Variants in GBP6 observed in about 807,000 individuals in gnomAD.
The protein encoded by GBP6 is guanylate-binding protein 6.
Under a neutral mutation model 61.5 loss-of-function variants are expected in GBP6, and 54 were observed. The ratio of observed to expected loss-of-function variants is 0.88; its 90% CI spans 0.71 to 1.10. The LOEUF is 1.10. GBP6 is among the 50% of genes least tolerant of loss of function. The pLI is 0.00. For missense variants in GBP6, 748 were observed against 752.8 expected (o/e 0.99, Z 0.07); for synonymous variants, 255 against 273.7 (o/e 0.93, Z 0.67).
chr1:89,378,113 A>G lies in GBP6; in HGVS notation c.329A>G (p.Lys110Arg). Reference sequence around the variant, plus strand: ...TAATGTGCTTTTTAGGGTGACCCTAAGAATGACTCCTGGATCTTTGCCCTG... The same window carrying G: ...TAATGTGCTTTTTAGGGTGACCCTAGGAATGACTCCTGGATCTTTGCCCTG... ...GLGDVEKGDP[K>R]NDSWIFALAV... is the part of the protein sequence containing the mutation. Residue 110 changes from lysine to arginine, a missense_variant, in exon 4 of 11, where the codon AAG (lysine) becomes AGG (arginine). Physicochemically the swap from Lys to Arg is conservative, Grantham distance 26 (BLOSUM62 2). Transcript: ENST00000370456. The G allele has an allele frequency of 6.2e-7, 1 of 1,612,588 alleles. No individual in the cohort carries two copies. Among genetic ancestry groups the G allele is most frequent in the Non-Finnish European group, 8.5e-7 (1 of 1,179,654 alleles).
At chr1:89,368,124 G>A (rs142507651) in intron 1 of GBP6, among the ~76,000 whole-genome samples, 19 of 152,120 alleles carry the variant, frequency 1.2e-4, no homozygotes, top group Admixed American at 5.9e-4. Context: ...TTTGTAAGCC[G>A]GGTTCTATGA....
chr1:89,366,629 T>A (rs1215183347), intron 1 of GBP6, among the ~76,000 whole-genome samples: 2 of 152,236 alleles, frequency 1.3e-5, no homozygotes, highest in African/African-American at 4.8e-5. Flanking sequence ...GTGGTTGCAG[T>A]AGCATAACAC....
At chr1:89,365,077 T>A (rs769767864) in intron 1 of GBP6, among the ~76,000 whole-genome samples, 9 of 151,818 alleles carry the variant, frequency 5.9e-5, no homozygotes, top group Non-Finnish European at 1.0e-4. Flanking sequence ...CACGCAGTTT[T>A]TGGTTTTCTG....
At chr1:89,384,065 TTC>T in intron 9 of GBP6, 26 bp from the exon 10 acceptor site, 9 of 1,561,476 alleles carry the variant, frequency 5.8e-6, no homozygotes, top group Non-Finnish European at 7.8e-6. Flanking sequence ...TATTATTTTC[TTC>T]TCTTTCTAAT....
Position 89,385,668 on chromosome 1 carries a change from G to C in GBP6, c.*199G>C. ...CCTGCCTCAGCCCCCTAGTAGCTGG[G>C]ATTATAGGTGTACACCACCACACCC... On this transcript the variant is annotated 3_prime_UTR_variant, in exon 11 of 11. Coordinates refer to ENST00000370456, the MANE Select transcript of GBP6 (RefSeq NM_198460.3). The C allele has an allele frequency of 3.8e-6, 2 of 529,970 alleles. No individual in the cohort carries two copies. Among genetic ancestry groups the C allele is most frequent in the Non-Finnish European group, 6.6e-6 (2 of 301,428 alleles). The allele number at this position is 529,970 out of a possible 1,614,324, so 32.8% of individuals were successfully genotyped here.
intron 3 of GBP6, among the ~76,000 whole-genome samples, chr1:89,369,913 G>T (rs762956588): frequency 6.6e-6 from 1 of 152,236 alleles, no homozygotes; most frequent in Non-Finnish European, 1.5e-5. Flanking sequence ...TTGTTAAGCA[G>T]TTGAGTTCCA....
At chr1:89,384,604 C>T (rs1201934706) in intron 10 of GBP6, among the ~76,000 whole-genome samples, 1 of 152,176 alleles carries the variant, frequency 6.6e-6, no homozygotes. Flanking sequence ...ATATGTTCCA[C>T]ACAGTGTATT....
intron 3 of GBP6, among the ~76,000 whole-genome samples, chr1:89,372,276 A>G (rs761039236): frequency 1.6e-4 from 24 of 150,956 alleles, no homozygotes; most frequent in South Asian, 6.3e-4. Context: ...TCCCCATCAA[A>G]CTACCAATGA....
chr1:89,385,625 C>T lies in GBP6; in HGVS notation c.*156C>T, dbSNP rs1349252555. 1.5e-6 allele frequency: 1 copy of T among 674,560 alleles called. No individual in the cohort carries two copies. The highest frequency in any genetic ancestry group is 1.8e-5 in the African/African-American group (1 of 54,770). 41.8% of individuals were successfully genotyped at this position (674,560 alleles called of 1,614,324 possible). On this transcript the variant is annotated 3_prime_UTR_variant, in exon 11 of 11. Transcript: ENST00000370456. ...CTCAGCTCACTGCAACCTCTGCCTC[C>T]TGGGTTCAAGAGATTCACCTGCCTC...
At chr1:89,378,012 G>A in intron 3 of GBP6, 91 bp from the exon 4 acceptor site, 1 of 1,193,180 alleles carries the variant, frequency 8.4e-7, no homozygotes, top group Non-Finnish European at 1.2e-6. Context: ...TACATTAGCT[G>A]AAATCATAAG....
At position 89,387,185 on chromosome 1, in the gene GBP6, G is replaced by A. The variant is rs1653167140; in HGVS notation, c.*1716G>A. On this transcript the variant is annotated 3_prime_UTR_variant, in exon 11 of 11. Coordinates refer to ENST00000370456, the MANE Select transcript of GBP6 (RefSeq NM_198460.3). Reference sequence around the variant, plus strand: ...CAAATAAATGATAATGATTTCCCAAGTTCTCCTCCTAGGAAACGTCTGGAG... The same window carrying A: ...CAAATAAATGATAATGATTTCCCAAATTCTCCTCCTAGGAAACGTCTGGAG... Among the ~76,000 whole-genome samples, 1 of 152,016 alleles carries A rather than the reference G, an allele frequency of 6.6e-6. No individual in the cohort carries two copies. The highest frequency in any genetic ancestry group is 2.4e-5 in the African/African-American group (1 of 41,390).
In GBP6 at chr1:89,368,591, G is replaced by A; in HGVS notation, c.40G>A (p.Val14Met). The A allele has an allele frequency of 4.3e-6, 7 of 1,614,146 alleles. No homozygotes were observed. In the South Asian group the frequency reaches 6.6e-5, roughly 15 times the overall value. ...GPKMLAPVCL[V>M]ENNNEQLLVN... ...CAAAATGTTGGCCCCCGTTTGCCTG[G>A]TGGAAAATAACAATGAGCAGCTATT... Residue 14 changes from valine to methionine, a missense_variant, in exon 2 of 11, where the codon GTG becomes ATG. Transcript: ENST00000370456.
At chr1:89,367,095 T>C (rs1002085747) in intron 1 of GBP6, among the ~76,000 whole-genome samples, 1 of 152,240 alleles carries the variant, frequency 6.6e-6, no homozygotes, top group Non-Finnish European at 1.5e-5. Context: ...TTGGCTATTG[T>C]GCATAATGCT....
rs1652995654 is a variant in GBP6 at position 89,382,012 on chromosome 1, C to T, written c.1152+38C>T. On this transcript the variant is annotated intron_variant, in intron 7 of 10. Coordinates refer to ENST00000370456, the MANE Select transcript of GBP6 (RefSeq NM_198460.3). ...AGTCATTACTGTTCATCATCCTTCCCCTTGAAGAATGAAGCCTATAGTTGC... is the reference window on the plus strand; with the variant it reads ...AGTCATTACTGTTCATCATCCTTCCTCTTGAAGAATGAAGCCTATAGTTGC... The T allele has an allele frequency of 3.2e-6, 5 of 1,551,040 alleles. No homozygotes were observed. The East Asian group carries it at 1.1e-4, about 35-fold the overall frequency.
At position 89,380,546 on chromosome 1, in the gene GBP6, G is replaced by A. The variant is rs923205243; in HGVS notation, c.786G>A (p.Gln262=). The change falls in exon 6 of 11, where the codon CAG becomes CAA. Residue 262 remains glutamine, a synonymous_variant. Coordinates refer to ENST00000370456, the MANE Select transcript of GBP6 (RefSeq NM_198460.3). ...AAAAGCAACTGGATCCCAAATTCCAGGAACAAACAAACATTTTCTGTTCTT... is the reference window on the plus strand; with the variant it reads ...AAAAGCAACTGGATCCCAAATTCCAAGAACAAACAAACATTTTCTGTTCTT... ...VSEKQLDPKF[Q]EQTNIFCSYI... 6.2e-6 allele frequency: 10 copies of A among 1,613,952 alleles called. No individual in the cohort carries two copies. The highest frequency in any genetic ancestry group is 1.7e-5 in the Admixed American group (1 of 59,998).
intron 3 of GBP6, among the ~76,000 whole-genome samples, chr1:89,371,176 CT>C (rs1557537655): frequency 6.6e-6 from 1 of 152,160 alleles, no homozygotes; most frequent in Non-Finnish European, 1.5e-5. Context: ...ACAAAATTCC[CT>C]TTTTTGAGAT....
intron 4 of GBP6, 58 bp downstream of exon 4, chr1:89,378,270 G>A: frequency 6.4e-7 from 1 of 1,561,278 alleles, no homozygotes; most frequent in South Asian, 1.2e-5. Context: ...TAGGAATGGA[G>A]ATCAAGTCAT....
chr1:89,372,252 T>A (rs1652665044), intron 3 of GBP6, among the ~76,000 whole-genome samples: 1 of 152,184 alleles, frequency 6.6e-6, no homozygotes, highest in Non-Finnish European at 1.5e-5. Context: ...AGGTAATTTA[T>A]AGATTCAATG....
At chr1:89,365,385 T>A (rs1434646642) in intron 1 of GBP6, among the ~76,000 whole-genome samples, 1 of 152,234 alleles carries the variant, frequency 6.6e-6, no homozygotes, top group Non-Finnish European at 1.5e-5. Context: ...GTCACTGTAA[T>A]GTGATGAACA....
Sources: gnomAD v4.1 joint callset for allele counts (sites outside exome capture counted in the v4.1 genomes callset) on GRCh38, gnomAD v4.1.1 for gene constraint, MANE v1.5 for transcripts, NCBI Gene and HGNC (gene_info 2026-07-23, HGNC 2026-07-21) for gene names.